Variants in BAZ2B observed in about 807,000 individuals in gnomAD.
The protein encoded by BAZ2B is bromodomain adjacent to zinc finger domain protein 2B.
In BAZ2B, 91 loss-of-function variants were observed where a neutral mutation model predicts 246.0. The ratio of observed to expected loss-of-function variants is 0.37; its 90% CI spans 0.31 to 0.44. The LOEUF (loss-of-function observed/expected upper bound fraction) is 0.44. Ranked by LOEUF, BAZ2B falls within the 20% of genes least tolerant of loss-of-function variation. The pLI, the probability that BAZ2B is intolerant of heterozygous loss-of-function variation, is 1.00. For missense variants in BAZ2B, 2,332 were observed against 2,533.7 expected (o/e 0.92, Z 1.71); for synonymous variants, 855 against 860.0 (o/e 0.99, Z 0.10).
At chr2:159,546,896 G>T (rs2151420027) in intron 2 of BAZ2B, among the ~76,000 whole-genome samples, 1 of 152,188 alleles carries the variant, frequency 6.6e-6, no homozygotes, top group African/African-American at 2.4e-5. Flanking sequence ...CAAATGAAAA[G>T]GATCCAAAGG....
chr2:159,668,726 C>G, the BAZ2B span, among the ~76,000 whole-genome samples: 2 of 152,036 alleles, frequency 1.3e-5, no homozygotes, highest in African/African-American at 4.8e-5. Context: ...CCTAGTCTAG[C>G]TTCTTAAAAT....
chr2:159,644,119 C>T, the BAZ2B span, among the ~76,000 whole-genome samples: 1 of 152,130 alleles, frequency 6.6e-6, no homozygotes, highest in African/African-American at 2.4e-5. Context: ...AAATAAGTAT[C>T]ATCTAAATCA....
chr2:159,503,620 C>T (rs951892266), intron 2 of BAZ2B, among the ~76,000 whole-genome samples: 2 of 151,974 alleles, frequency 1.3e-5, no homozygotes, highest in African/African-American at 4.8e-5. Context: ...ACTCTTGTTG[C>T]CCTGGCTGGA....
intron 1 of BAZ2B, among the ~76,000 whole-genome samples, chr2:159,590,427 T>C (rs568736557): frequency 6.6e-6 from 1 of 151,628 alleles, no homozygotes; most frequent in African/African-American, 2.4e-5. Context: ...CTGTCTCTAC[T>C]AAAAATACAA....
At chr2:159,321,597 C>T (rs932732129) in intron 36 of BAZ2B, among the ~76,000 whole-genome samples, 17 of 152,272 alleles carry the variant, frequency 1.1e-4, no homozygotes, top group African/African-American at 3.6e-4. Context: ...GAGATTTTGT[C>T]ATTTGAAACA....
At chr2:159,400,157 G>A (rs1036732524) in intron 17 of BAZ2B, among the ~76,000 whole-genome samples, 4 of 152,128 alleles carry the variant, frequency 2.6e-5, no homozygotes, top group Non-Finnish European at 4.4e-5. Context: ...GCCTTGCAGG[G>A]AAGAGGGATA....
At chr2:159,436,303 G>A (rs112824692) in intron 8 of BAZ2B, among the ~76,000 whole-genome samples, 1 of 152,116 alleles carries the variant, frequency 6.6e-6, no homozygotes, top group African/African-American at 2.4e-5. Flanking sequence ...ACACCAATAA[G>A]TTTTTAAAAA....
upstream of BAZ2B, among the ~76,000 whole-genome samples, chr2:159,617,342 G>A (rs1696202557): frequency 6.6e-6 from 1 of 151,764 alleles, no homozygotes; most frequent in Non-Finnish European, 1.5e-5. Flanking sequence ...CCCAAATCCT[G>A]CAACCAATCA....
At chr2:159,553,482 A>T (rs927374206) in intron 2 of BAZ2B, among the ~76,000 whole-genome samples, 25 of 151,968 alleles carry the variant, frequency 1.6e-4, no homozygotes, top group Admixed American at 1.2e-3. Context: ...ATACCAAGTT[A>T]GAAGGTCTGG....
intron 27 of BAZ2B, among the ~76,000 whole-genome samples, chr2:159,360,147 G>A (rs1186720607): frequency 6.6e-6 from 1 of 152,176 alleles, no homozygotes; most frequent in Non-Finnish European, 1.5e-5. Context: ...ATTCAAATAG[G>A]AAGAGAGGAA....
At chr2:159,428,265 T>C (rs761169014) in intron 12 of BAZ2B, 46 bp downstream of exon 12, 2 of 1,499,310 alleles carry the variant, frequency 1.3e-6, no homozygotes, top group Non-Finnish European at 1.8e-6. Flanking sequence ...TACATGATCA[T>C]GCTTAATAGG....
At chr2:159,656,700 AT>A in the BAZ2B span, among the ~76,000 whole-genome samples, 1 of 152,092 alleles carries the variant, frequency 6.6e-6, no homozygotes, top group Non-Finnish European at 1.5e-5. Context: ...ATAATATTCC[AT>A]TGTCTGGATG....
intron 27 of BAZ2B, among the ~76,000 whole-genome samples, chr2:159,361,964 G>A (rs148692683): frequency 1.1e-3 from 162 of 151,666 alleles, no homozygotes; most frequent in Non-Finnish European, 2.0e-3. Flanking sequence ...GGGGGGGTGA[G>A]GGTCTGGGGG....
chr2:159,396,763 T>A (rs1167891434), intron 19 of BAZ2B, among the ~76,000 whole-genome samples: 1 of 152,134 alleles, frequency 6.6e-6, no homozygotes, highest in Admixed American at 6.5e-5. Flanking sequence ...GCATCTAGAA[T>A]GATGGGAGAA....
intron 1 of BAZ2B, among the ~76,000 whole-genome samples, chr2:159,593,967 G>C (rs886936538): frequency 2.6e-5 from 4 of 152,148 alleles, no homozygotes; most frequent in Non-Finnish European, 5.9e-5. Flanking sequence ...CCATTTTTAA[G>C]TGTACAATTA....
the BAZ2B span, among the ~76,000 whole-genome samples, chr2:159,661,275 T>C: frequency 6.6e-6 from 1 of 152,238 alleles, no homozygotes; most frequent in East Asian, 1.9e-4. Context: ...GAATAGTTCA[T>C]CTTTCTATAT....
intron 1 of BAZ2B, among the ~76,000 whole-genome samples, chr2:159,611,189 CTACT>C (rs758862886): frequency 2.0e-5 from 3 of 151,782 alleles, no homozygotes; most frequent in Non-Finnish European, 2.9e-5. Flanking sequence ...CTGAAAATTC[CTACT>C]TAAACTACAG....
At chr2:159,553,608 T>G (rs550885697) in intron 2 of BAZ2B, among the ~76,000 whole-genome samples, 1 of 151,594 alleles carries the variant, frequency 6.6e-6, no homozygotes, top group African/African-American at 2.4e-5. Context: ...TTCAGTGGAA[T>G]TGATAATGGC....
chr2:159,399,085 T>C (rs2064531814), intron 17 of BAZ2B, 191 bp from the exon 18 acceptor site: 1 of 481,406 alleles, frequency 2.1e-6, no homozygotes, highest in Non-Finnish European at 3.6e-6. Context: ...ATTTATAGAA[T>C]AGCATTAGAA....
Sources: allele counts gnomAD v4.1 joint callset (sites outside exome capture counted in the v4.1 genomes callset), GRCh38; gene constraint gnomAD v4.1.1; transcripts MANE v1.5; gene names NCBI Gene and HGNC (gene_info 2026-07-23, HGNC 2026-07-21).